The following SHROOM3 variants were observed in gnomAD, a reference collection of about 807,000 sequenced individuals.
The protein encoded by SHROOM3 is protein Shroom3.
In SHROOM3, 47 loss-of-function variants were observed where a neutral mutation model predicts 138.6. That is an observed-to-expected ratio of 0.34 (90% confidence interval 0.27 to 0.43). The LOEUF (loss-of-function observed/expected upper bound fraction) is 0.43. SHROOM3 is among the 20% of genes least tolerant of loss of function. The pLI, the probability that SHROOM3 is intolerant of heterozygous loss-of-function variation, is 1.00. For missense variants in SHROOM3, 2,491 were observed against 2,596.5 expected (o/e 0.96, Z 0.88); for synonymous variants, 1,062 against 1,063.3 (o/e 1.00, Z 0.02).
In SHROOM3 at chr4:76,741,408, A is replaced by C; in HGVS notation, c.3235A>C (p.Lys1079Gln). 1 of 1,600,082 alleles carries C rather than the reference A, an allele frequency of 6.2e-7. No individual in the cohort carries two copies. The highest frequency in any genetic ancestry group is 8.5e-7 in the Non-Finnish European group (1 of 1,174,318). ...STLSLSGPEL[K>Q]QFQQSALADY... is the part of the protein sequence containing the mutation. The stretch of plus-strand genomic sequence containing the variant: ...GCTCAGCCTGTCGGGGCCCGAGCTG[A>C]AGCAGTTCCAGCAGAGCGCCCTGGC... Residue 1079 changes from lysine to glutamine, a missense_variant, in exon 5 of 11, where the codon AAG becomes CAG. Lys to Gln is a moderately conservative substitution (Grantham distance 53). Around this residue, in one of 4 missense-constraint regions of SHROOM3, gnomAD observed 1,733 missense variants for 1,661.6 expected, o/e 1.04. Coordinates refer to ENST00000296043, the MANE Select transcript of SHROOM3 (RefSeq NM_020859.4). The surrounding 1 kb of genome is among the most constrained non-coding windows in gnomAD (Gnocchi z 6.2).
intron 2 of SHROOM3, among the ~76,000 whole-genome samples, chr4:76,684,072 G>A (rs1177677333): frequency 6.6e-6 from 1 of 152,190 alleles, no homozygotes; most frequent in African/African-American, 2.4e-5. Context: ...ATCTCTCCAT[G>A]TCAGCACATA....
At chr4:76,487,482 A>G (rs1731756975) in intron 1 of SHROOM3, among the ~76,000 whole-genome samples, 1 of 152,156 alleles carries the variant, frequency 6.6e-6, no homozygotes, top group African/African-American at 2.4e-5. Context: ...ATTGCTGGAG[A>G]GAAAGGCAAT....
At chr4:76,675,706 A>AT (rs1191057204) in intron 2 of SHROOM3, among the ~76,000 whole-genome samples, 1 of 152,160 alleles carries the variant, frequency 6.6e-6, no homozygotes, top group East Asian at 1.9e-4. Context: ...AAATTTAAAG[A>AT]TTATCTGGTC....
chr4:76,443,186 C>CA (rs1351243357), intron 1 of SHROOM3, among the ~76,000 whole-genome samples: 3 of 152,130 alleles, frequency 2.0e-5, no homozygotes, highest in African/African-American at 4.8e-5. Flanking sequence ...TTTTTTAGTA[C>CA]AAATTAATTT....
At chr4:76,716,572 A>G (rs1560600266) in intron 3 of SHROOM3, among the ~76,000 whole-genome samples, 1 of 152,244 alleles carries the variant, frequency 6.6e-6, no homozygotes, top group Non-Finnish European at 1.5e-5. Flanking sequence ...CTAAATTGTT[A>G]TGAATATTCT....
intron 1 of SHROOM3, among the ~76,000 whole-genome samples, chr4:76,551,986 C>T (rs894222364): frequency 3.8e-4 from 56 of 148,734 alleles, no homozygotes; most frequent in Non-Finnish European, 5.2e-4. Flanking sequence ...CTCAGCCTCC[C>T]GAGTAGCTGG....
chr4:76,759,421 T>C (rs1721923714), intron 8 of SHROOM3, 124 bp from the exon 9 acceptor site: 3 of 1,305,966 alleles, frequency 2.3e-6, no homozygotes, highest in Admixed American at 1.8e-5. Context: ...TACTAGTTTA[T>C]CCTAATTTCT....
At chr4:76,706,268 C>T (rs2110115464) in intron 2 of SHROOM3, among the ~76,000 whole-genome samples, 1 of 152,216 alleles carries the variant, frequency 6.6e-6, no homozygotes, top group East Asian at 1.9e-4. Context: ...GCATGTACCA[C>T]CACGCCCAGC....
At chr4:76,695,964 G>A (rs1257211276) in intron 2 of SHROOM3, among the ~76,000 whole-genome samples, 2 of 152,202 alleles carry the variant, frequency 1.3e-5, no homozygotes, top group Admixed American at 1.3e-4. Context: ...CCTAAGCAAA[G>A]TGTTGCTTGC....
chr4:76,770,317 T>C (rs1407514562), intron 9 of SHROOM3, among the ~76,000 whole-genome samples: 3 of 97,180 alleles, frequency 3.1e-5, no homozygotes, highest in African/African-American at 1.3e-4. Flanking sequence ...AGAGCCAAAC[T>C]CTGTCTCAAA....
At chr4:76,585,473 G>C (rs1039981470) in intron 2 of SHROOM3, among the ~76,000 whole-genome samples, 1 of 151,970 alleles carries the variant, frequency 6.6e-6, no homozygotes, top group Non-Finnish European at 1.5e-5. Flanking sequence ...CTACAGTCTG[G>C]GGCAAATACC....
At chr4:76,658,501 G>A (rs1736114485) in intron 2 of SHROOM3, among the ~76,000 whole-genome samples, 1 of 152,140 alleles carries the variant, frequency 6.6e-6, no homozygotes, top group Non-Finnish European at 1.5e-5. Flanking sequence ...ACTCTGTTAA[G>A]CATTAAGAAT....
chr4:76,502,603 G>A lies in SHROOM3; in HGVS notation c.169-53006G>A, dbSNP rs143333962. ...TGTGGGGAAAACCCCCCACCCTCTGGCATCAGAAGTGTTGAACGATTTTGT... is the reference window on the plus strand; with the variant it reads ...TGTGGGGAAAACCCCCCACCCTCTGACATCAGAAGTGTTGAACGATTTTGT... On this transcript the variant is annotated intron_variant, in intron 1 of 10. Transcript: ENST00000296043. Among the ~76,000 whole-genome samples, 523 of 152,328 alleles carry A rather than the reference G, an allele frequency of 3.4e-3. 7 individuals are homozygous for A. The highest frequency in any genetic ancestry group is 0.012 in the African/African-American group (496 of 41,574).
At chr4:76,528,548 CTTT>C (rs35121750) in intron 1 of SHROOM3, among the ~76,000 whole-genome samples, 1 of 125,014 alleles carries the variant, frequency 8.0e-6, no homozygotes, top group Non-Finnish European at 1.6e-5. Context: ...TTCTTTCTTT[CTTT>C]TTTTTTTTTT....
intron 2 of SHROOM3, among the ~76,000 whole-genome samples, chr4:76,601,881 C>G (rs1278138203): frequency 6.6e-6 from 1 of 152,164 alleles, no homozygotes; most frequent in Non-Finnish European, 1.5e-5. Context: ...TCAGACAATT[C>G]AGTCCCCAAA....
At chr4:76,468,058 G>A (rs1186123705) in intron 1 of SHROOM3, among the ~76,000 whole-genome samples, 1 of 152,248 alleles carries the variant, frequency 6.6e-6, no homozygotes, top group Non-Finnish European at 1.5e-5. Context: ...AGCCAGACCA[G>A]TTAAGAGTTA....
intron 9 of SHROOM3, among the ~76,000 whole-genome samples, chr4:76,761,779 GC>G (rs1188029210): frequency 6.6e-6 from 1 of 152,158 alleles, no homozygotes; most frequent in Non-Finnish European, 1.5e-5. Context: ...CATTTGGAGT[GC>G]CTTTTGGGGG....
intron 1 of SHROOM3, among the ~76,000 whole-genome samples, chr4:76,554,691 A>G (rs1353377929): frequency 6.6e-6 from 1 of 152,082 alleles, no homozygotes; most frequent in Non-Finnish European, 1.5e-5. Context: ...AAGTGCTGGG[A>G]TTACAGGCAT....
At position 76,741,343 on chromosome 4, in the gene SHROOM3, G is replaced by A. The variant is rs755404407; in HGVS notation, c.3170G>A (p.Arg1057Gln). The change falls in exon 5 of 11, where the codon CGG (arginine) becomes CAG (glutamine). Residue 1057 changes from arginine to glutamine, a missense_variant. By Grantham distance (43) the Arg-to-Gln change is conservative (BLOSUM62 1). Coordinates refer to ENST00000296043, the MANE Select transcript of SHROOM3 (RefSeq NM_020859.4). The surrounding 1 kb of genome is among the most constrained non-coding windows in gnomAD (Gnocchi z 6.2). Reference protein sequence around the residue: ...MRFPESSVADRRRLFERDGKA... With the variant: ...MRFPESSVADQRRLFERDGKA... ...TTCCCGGAGAGCAGCGTGGCCGACC[G>A]GCGCCGTCTCTTCGAGCGCGATGGC... The A allele has an allele frequency of 1.4e-5, 22 of 1,610,384 alleles. No individual in the cohort carries two copies. Among genetic ancestry groups the A allele is most frequent in the Non-Finnish European group, 1.7e-5 (20 of 1,178,996 alleles).
Sources: gnomAD v4.1 joint callset for allele counts (sites outside exome capture counted in the v4.1 genomes callset) on GRCh38, gnomAD v4.1.1 for gene constraint, gnomAD v4.1.1 regional missense constraint, Gnocchi (gnomAD v3.1) non-coding constraint, MANE v1.5 for transcripts, NCBI Gene and HGNC (gene_info 2026-07-23, HGNC 2026-07-21) for gene names.